Variants in ITPRID2 observed in about 807,000 individuals in gnomAD.
ITPRID2 encodes protein ITPRID2.
A neutral mutation model predicts 124.3 loss-of-function variants in ITPRID2; 60 were observed. The observed-to-expected ratio is 0.48, with a 90% CI of 0.39 to 0.60. ITPRID2 has a LOEUF of 0.60. Among genes scored for constraint, ITPRID2 ranks in the 20% least tolerant of loss-of-function variants. ITPRID2 has a pLI of 0.00. For synonymous variants in ITPRID2, 521 were observed against 542.9 expected, an observed-to-expected ratio of 0.96 and a Z score of 0.56; for missense variants, 1,553 against 1,512.2, an observed-to-expected ratio of 1.03 and a Z score of -0.45.
Position 181,918,636 on chromosome 2 carries a change from A to T in ITPRID2, c.2826A>T (p.Pro942=). 1 of 1,614,110 alleles carries T rather than the reference A, an allele frequency of 6.2e-7. No individual in the cohort carries two copies. Residue 942 remains proline, a synonymous_variant, in exon 12 of 18, where the codon CCA becomes CCT. Transcript: ENST00000431877. ...MMRGPDPAAA[P]YSTQKSSVLP... ...GAGGACCTGATCCTGCTGCTGCTCC[A>T]TATAGTACTCAGAAATCATCTGTTC...
At chr2:181,925,707 A>G (rs1694794932) in intron 16 of ITPRID2, among the ~76,000 whole-genome samples, 1 of 152,212 alleles carries the variant, frequency 6.6e-6, no homozygotes, top group South Asian at 2.1e-4. Flanking sequence ...TACACCTTCC[A>G]TCTGACCTCA....
At chr2:181,900,111 A>G (rs1435915743) in intron 6 of ITPRID2, among the ~76,000 whole-genome samples, 1 of 152,220 alleles carries the variant, frequency 6.6e-6, no homozygotes, top group African/African-American at 2.4e-5. Context: ...GGATTAGAGT[A>G]GTTACCTTTG....
chr2:181,909,071 G>A (rs1693390635), intron 8 of ITPRID2, among the ~76,000 whole-genome samples: 1 of 152,074 alleles, frequency 6.6e-6, no homozygotes, highest in Non-Finnish European at 1.5e-5. Flanking sequence ...TTAGGAATCT[G>A]AAAATTTCTA....
In ITPRID2 at chr2:181,919,525, C is replaced by T; in HGVS notation, c.3144+79C>T. ...TCCAATAATTTAGGACGTGTGCCTT[C>T]ATTTCAAGTCATTTATTTTAATGGT... On this transcript the variant is annotated intron_variant, in intron 14 of 17. Transcript: ENST00000431877. This position sits in a 1 kb window ranked among gnomAD's most constrained non-coding sequence, Gnocchi z 4.2. 7.1e-7 allele frequency: 1 copy of T among 1,404,454 alleles called. No homozygotes were observed. The highest frequency in any genetic ancestry group is 9.4e-7 in the Non-Finnish European group (1 of 1,064,396). The allele number at this position is 1,404,454 out of a possible 1,614,324, so 87.0% of individuals were successfully genotyped here.
In ITPRID2 at chr2:181,910,510, C is replaced by T; in HGVS notation, c.1486+539C>T. 1.6e-6 allele frequency: 1 copy of T among 634,536 alleles called. No individual in the cohort carries two copies. The highest frequency in any genetic ancestry group is 2.8e-6 in the Non-Finnish European group (1 of 351,838). The allele number at this position is 634,536 out of a possible 1,614,324, so 39.3% of individuals were successfully genotyped here. A position where few individuals can be genotyped will look rare whatever the true frequency, so the allele number is the denominator to read the frequency against. On this transcript the variant is annotated intron_variant, in intron 9 of 17. Transcript: ENST00000431877. This position sits in a 1 kb window ranked among gnomAD's most constrained non-coding sequence, Gnocchi z 4.1. ...TTATTGACCAAAGAACCTTTGAATC[C>T]ATCCCTTTCACTTTTAACTTGCAAC...
Position 181,929,638 on chromosome 2 carries a change from A to G in ITPRID2, c.*91A>G, listed in dbSNP as rs767752077. ...CTGGTGGAGGTGTTATTTGTGCTTT[A>G]GAAGATACTTGCTGTTGAGCTGGGC... On this transcript the variant is annotated 3_prime_UTR_variant, in exon 18 of 18. Coordinates refer to ENST00000431877, the MANE Select transcript of ITPRID2 (RefSeq NM_001130445.3). 10 of 1,612,378 alleles carry G rather than the reference A, an allele frequency of 6.2e-6. No homozygotes were observed. The highest frequency in any genetic ancestry group is 1.7e-5 in the Admixed American group (1 of 59,966).
At position 181,892,896 on chromosome 2, in the gene ITPRID2, G is replaced by A. The variant is rs116097558; in HGVS notation, c.257+236G>A. 1.0e-3 allele frequency: 591 copies of A among 585,808 alleles called. 1 individual carries two copies. Among genetic ancestry groups the A allele is most frequent in the Middle Eastern group, 9.6e-3 (21 of 2,192 alleles). The allele number at this position is 585,808 out of a possible 1,614,324, so 36.3% of individuals were successfully genotyped here. On this transcript the variant is annotated intron_variant, in intron 2 of 17. Transcript: ENST00000431877. The surrounding 1 kb of genome is among the most constrained non-coding windows in gnomAD (Gnocchi z 5.2). Reference sequence around the variant, plus strand: ...TTAGGACTTGAGCTACTCACGCATCGTGTTAGCATCAGAGATCAGAAATCC... The same window carrying A: ...TTAGGACTTGAGCTACTCACGCATCATGTTAGCATCAGAGATCAGAAATCC...
At position 181,902,515 on chromosome 2, in the gene ITPRID2, A is replaced by G; in HGVS notation, c.1413+49A>G. Reference sequence around the variant, plus strand: ...GGTTTCAAGTTGCAGACTAGGAAAAAAAGTACCAAAAATGCTTATAAAATG... The same window carrying G: ...GGTTTCAAGTTGCAGACTAGGAAAAGAAGTACCAAAAATGCTTATAAAATG... On this transcript the variant is annotated intron_variant, in intron 8 of 17. Coordinates refer to ENST00000431877, the MANE Select transcript of ITPRID2 (RefSeq NM_001130445.3). This position sits in a 1 kb window ranked among gnomAD's most constrained non-coding sequence, Gnocchi z 4.4. 7.5e-7 allele frequency: 1 copy of G among 1,336,672 alleles called. No individual in the cohort carries two copies. The highest frequency in any genetic ancestry group is 1.0e-6 in the Non-Finnish European group (1 of 984,228). The allele number at this position is 1,336,672 out of a possible 1,614,324, so 82.8% of individuals were successfully genotyped here. A position where few individuals can be genotyped will look rare whatever the true frequency, so the allele number is the denominator to read the frequency against.
intron 2 of ITPRID2, chr2:181,894,198 A>T (rs1691997956): frequency 6.6e-6 from 1 of 152,252 alleles, no homozygotes; most frequent in Non-Finnish European, 1.5e-5. Flanking sequence ...GACATATAGG[A>T]TTTAAGATTG....
intron 10 of ITPRID2, among the ~76,000 whole-genome samples, chr2:181,914,820 G>A (rs1693898893): frequency 6.6e-6 from 1 of 152,210 alleles, no homozygotes; most frequent in Non-Finnish European, 1.5e-5. Context: ...AGGAACCCAG[G>A]TTGGAGGGAT....
intron 13 of ITPRID2, 58 bp downstream of exon 13, chr2:181,918,940 A>C: frequency 6.3e-7 from 1 of 1,584,058 alleles, no homozygotes; most frequent in Non-Finnish European, 8.6e-7. Context: ...AAGTCTTCTC[A>C]ACTTATATTT....
In ITPRID2 at chr2:181,905,566, C is replaced by G. The variant is rs543734058; in HGVS notation, c.1413+3100C>G. On this transcript the variant is annotated intron_variant, in intron 8 of 17. Transcript: ENST00000431877. The surrounding 1 kb of genome is among the most constrained non-coding windows in gnomAD (Gnocchi z 4.1). ...TCATCTTTTAGATGTAAAGGAAAAA[C>G]TTAAGAAGGAGAACTTTTATCTCAG... Among the ~76,000 whole-genome samples the G allele has an allele frequency of 6.6e-6, 1 of 152,118 alleles. No individual in the cohort carries two copies. Among genetic ancestry groups the G allele is most frequent in the Non-Finnish European group, 1.5e-5 (1 of 67,994 alleles).
chr2:181,912,855 T>G (rs911381315), intron 9 of ITPRID2, among the ~76,000 whole-genome samples: 2 of 152,172 alleles, frequency 1.3e-5, no homozygotes, highest in African/African-American at 4.8e-5. Context: ...GGAATTAGAA[T>G]TTTGAGGCAG....
rs1693494245 is a variant in ITPRID2 at position 181,910,262 on chromosome 2, G to A, written c.1486+291G>A. On this transcript the variant is annotated intron_variant, in intron 9 of 17. Coordinates refer to ENST00000431877, the MANE Select transcript of ITPRID2 (RefSeq NM_001130445.3). This position sits in a 1 kb window ranked among gnomAD's most constrained non-coding sequence, Gnocchi z 4.1. ...CATAAGAGCTAGTTGGGAAGTGATA[G>A]AGCAATGGATTAAGACTACCTTTTA... 6.6e-6 allele frequency among the ~76,000 whole-genome samples: 1 copy of A among 152,190 alleles called. No homozygotes were observed. The highest frequency in any genetic ancestry group is 1.5e-5 in the Non-Finnish European group (1 of 68,032).
Position 181,898,917 on chromosome 2 carries a change from C to T in ITPRID2, c.402C>T (p.Asn134=). Residue 134 remains asparagine (N), a splice_region_variant and synonymous_variant, in exon 5 of 18, where the codon AAC becomes AAT. Transcript: ENST00000431877. ...ATGAAAGTGATGCTCAAATTGAAAA[C>T]TGGTATGTAGCTGTTTTGTTCTATT... ...HLHESDAQIE[N]CNNILAKERR... is the part of the protein sequence containing the mutation. The T allele has an allele frequency of 6.2e-7, 1 of 1,611,216 alleles. No individual in the cohort carries two copies. Among genetic ancestry groups the T allele is most frequent in the Non-Finnish European group, 8.5e-7 (1 of 1,177,590 alleles).
chr2:181,892,123 G>T lies in ITPRID2; in HGVS notation c.57G>T (p.Val19=), dbSNP rs1490231113. 6.4e-7 allele frequency: 1 copy of T among 1,558,890 alleles called. No individual in the cohort carries two copies. The highest frequency in any genetic ancestry group is 2.4e-5 in the East Asian group (1 of 41,654). Residue 19 remains valine (V), a synonymous_variant, in exon 1 of 18, where the codon GTG becomes GTT. Transcript: ENST00000431877. This position sits in a 1 kb window ranked among gnomAD's most constrained non-coding sequence, Gnocchi z 5.2. ...CGGAGGAGGAACTGGAGTGGCAAGT[G>T]GCGAGTCGCAGGAGGAAGGCCTGGG... is the stretch of plus-strand genomic sequence containing the variant. ...AEAEEELEWQ[V]ASRRRKAWAK... is the part of the protein sequence containing the mutation.
In ITPRID2 at chr2:181,914,646, T is replaced by G. The variant is rs78211680; in HGVS notation, c.1576-570T>G. ...AGGAATGTTGACTGGTTTTCAAATA[T>G]GAATGATAGCTTAAGAGTGAGGGGT... On this transcript the variant is annotated intron_variant, in intron 10 of 17. Transcript: ENST00000431877. 7.6e-3 allele frequency among the ~76,000 whole-genome samples: 1,154 copies of G among 152,338 alleles called. 12 individuals are homozygous for G. Among genetic ancestry groups the G allele is most frequent in the African/African-American group, 0.026 (1,087 of 41,570 alleles).
intron 16 of ITPRID2, among the ~76,000 whole-genome samples, chr2:181,923,546 G>A (rs952813529): frequency 1.3e-5 from 2 of 152,042 alleles, no homozygotes; most frequent in African/African-American, 4.8e-5. Flanking sequence ...CACCCTACTC[G>A]GTCAGGTGTG....
intron 16 of ITPRID2, among the ~76,000 whole-genome samples, chr2:181,922,815 G>A (rs992174508): frequency 1.3e-5 from 2 of 152,082 alleles, no homozygotes; most frequent in Non-Finnish European, 2.9e-5. Flanking sequence ...CCAGCTACTC[G>A]GGAGGCTGGG....
Sources: allele counts gnomAD v4.1 joint callset (sites outside exome capture counted in the v4.1 genomes callset), GRCh38; gene constraint gnomAD v4.1.1; non-coding constraint Gnocchi (gnomAD v3.1); transcripts MANE v1.5; gene names NCBI Gene and HGNC (gene_info 2026-07-23, HGNC 2026-07-21).